The following GRM7 variants were observed in gnomAD, a reference collection of about 807,000 sequenced individuals.
GRM7 encodes the protein metabotropic glutamate receptor 7.
GRM7 carries 35 observed loss-of-function variants against 84.5 expected under a neutral mutation model. That is an observed-to-expected ratio of 0.41 (90% confidence interval 0.32 to 0.55). The LOEUF is 0.55. Ranked by LOEUF, GRM7 falls within the 20% of genes least tolerant of loss-of-function variation. The pLI is 0.19. For missense variants in GRM7, 1,003 were observed against 1,194.6 expected (o/e 0.84, Z 2.36); for synonymous variants, 487 against 455.1 (o/e 1.07, Z -0.89).
intron 1 of GRM7, among the ~76,000 whole-genome samples, chr3:6,934,141 T>C (rs1697604608): frequency 1.3e-5 from 2 of 152,148 alleles, no homozygotes; most frequent in South Asian, 4.1e-4. Context: ...CCACTATGTC[T>C]AGATTAATTA....
chr3:7,370,355 A>G (rs990730952), intron 4 of GRM7, among the ~76,000 whole-genome samples: 6 of 152,092 alleles, frequency 3.9e-5, no homozygotes, highest in African/African-American at 1.4e-4. Context: ...ATTGGAGAAA[A>G]GTCGATATGA....
chr3:6,947,912 A>AT (rs1173560759), intron 1 of GRM7, among the ~76,000 whole-genome samples: 1 of 152,124 alleles, frequency 6.6e-6, no homozygotes, highest in Non-Finnish European at 1.5e-5. Context: ...CCCCTTTATC[A>AT]TTTTTTATTG....
intron 7 of GRM7, among the ~76,000 whole-genome samples, chr3:7,520,512 TAAA>T (rs3065597): frequency 1.3e-5 from 2 of 148,868 alleles, no homozygotes; most frequent in Non-Finnish European, 3.0e-5. Context: ...CTGAAAAAAA[TAAA>T]AAAAAAAACA....
intron 2 of GRM7, among the ~76,000 whole-genome samples, chr3:7,183,139 A>G (rs973868919): frequency 1.3e-5 from 2 of 152,110 alleles, no homozygotes; most frequent in Non-Finnish European, 2.9e-5. Context: ...GTGCCTAAGT[A>G]GGCATATTTT....
chr3:7,541,149 C>A (rs893076194), intron 7 of GRM7, among the ~76,000 whole-genome samples: 1 of 152,082 alleles, frequency 6.6e-6, no homozygotes, highest in Admixed American at 6.6e-5. Flanking sequence ...TAGAGATCAA[C>A]CTTTATCATG....
At chr3:7,032,183 C>G (rs1300237334) in intron 1 of GRM7, among the ~76,000 whole-genome samples, 3 of 152,164 alleles carry the variant, frequency 2.0e-5, no homozygotes, top group Non-Finnish European at 2.9e-5. Context: ...ATTTTGCTAT[C>G]TAAAATGTAT....
chr3:7,406,978 C>T (rs1408379890), intron 4 of GRM7, among the ~76,000 whole-genome samples: 1 of 152,080 alleles, frequency 6.6e-6, no homozygotes, highest in African/African-American at 2.4e-5. Context: ...GTCATTAATA[C>T]AGCATAGTGT....
chr3:7,686,913 G>A (rs1412828073), intron 9 of GRM7, among the ~76,000 whole-genome samples: 19 of 152,160 alleles, frequency 1.2e-4, no homozygotes, highest in Non-Finnish European at 2.4e-4. Context: ...TCAAAGAAGT[G>A]TACACATTCC....
chr3:7,718,043 C>T (rs897908430), intron 9 of GRM7, among the ~76,000 whole-genome samples: 19 of 152,190 alleles, frequency 1.2e-4, no homozygotes, highest in Admixed American at 3.9e-4. Flanking sequence ...GCAGGGTTCA[C>T]ATGAACTCTG....
Position 7,350,745 on chromosome 3 carries a change from A to G in GRM7, c.1033+44093A>G, listed in dbSNP as rs1286552343. ...TTTTAGTGAAACTTGGTAATACTGC[A>G]AACTACCATTGAGGTTGTTTTGGGT... On this transcript the variant is annotated intron_variant, in intron 4 of 9. Transcript: ENST00000357716. Among the ~76,000 whole-genome samples the G allele has an allele frequency of 5.3e-5, 8 of 152,232 alleles. No homozygotes were observed. The East Asian group carries it at 1.6e-3, about 30-fold the overall frequency.
intron 2 of GRM7, among the ~76,000 whole-genome samples, chr3:7,265,960 G>A (rs1698620738): frequency 6.6e-6 from 1 of 152,102 alleles, no homozygotes; most frequent in African/African-American, 2.4e-5. Context: ...GCTTCTTTGA[G>A]AGCTCAGCAA....
chr3:7,059,641 AC>A (rs1697361313), intron 1 of GRM7, among the ~76,000 whole-genome samples: 5 of 151,642 alleles, frequency 3.3e-5, no homozygotes. Context: ...TATTATCTTA[AC>A]CCTATATAGT....
intron 2 of GRM7, among the ~76,000 whole-genome samples, chr3:7,217,609 G>GGGACTTT (rs201160331): frequency 0.022 from 3,397 of 151,494 alleles, 108 homozygotes; most frequent in African/African-American, 0.078. Flanking sequence ...ACACACCCAT[G>GGGACTTT]TGCTAATTGC....
chr3:7,201,371 T>C (rs889053637), intron 2 of GRM7, among the ~76,000 whole-genome samples: 1 of 152,156 alleles, frequency 6.6e-6, no homozygotes. Context: ...TAGTGGAAGA[T>C]AGTTTTATGC....
intron 2 of GRM7, among the ~76,000 whole-genome samples, chr3:7,249,724 A>G (rs552967547): frequency 6.6e-6 from 1 of 152,338 alleles, no homozygotes; most frequent in Admixed American, 6.5e-5. Context: ...GTGGAAATTA[A>G]CAAGAAATTA....
At chr3:6,964,109 T>C (rs1693406239) in intron 1 of GRM7, among the ~76,000 whole-genome samples, 1 of 152,206 alleles carries the variant, frequency 6.6e-6, no homozygotes, top group South Asian at 2.1e-4. Context: ...AATAGCCCCT[T>C]AATCAACAAA....
chr3:7,184,251 A>T (rs557809061), intron 2 of GRM7, among the ~76,000 whole-genome samples: 1 of 152,276 alleles, frequency 6.6e-6, no homozygotes, highest in Admixed American at 6.5e-5. Flanking sequence ...CGAAAAAGTA[A>T]AAATTTGTGA....
chr3:7,466,442 G>C (rs543189632), intron 7 of GRM7, among the ~76,000 whole-genome samples: 19 of 152,242 alleles, frequency 1.2e-4, no homozygotes, highest in African/African-American at 3.6e-4. Flanking sequence ...AATTAGGGTA[G>C]GAGTATATTT....
intron 2 of GRM7, among the ~76,000 whole-genome samples, chr3:7,205,114 C>A (rs920584948): frequency 5.3e-5 from 8 of 152,182 alleles, no homozygotes; most frequent in African/African-American, 1.7e-4. Flanking sequence ...AGGCTTCAGA[C>A]AATGTCAGTT....
Sources: allele counts gnomAD v4.1 joint callset (sites outside exome capture counted in the v4.1 genomes callset), GRCh38; gene constraint gnomAD v4.1.1; transcripts MANE v1.5; gene names NCBI Gene and HGNC (gene_info 2026-07-23, HGNC 2026-07-21).